PALLD: variants seen among roughly 807,000 people sequenced by gnomAD.
PALLD encodes palladin, cytoskeletal associated protein.
Under a neutral mutation model 123.5 loss-of-function variants are expected in PALLD, and 61 were observed. The ratio of observed to expected loss-of-function variants is 0.49; its 90% CI spans 0.40 to 0.61. PALLD has a LOEUF of 0.61. Ranked by LOEUF, PALLD falls within the 20% of genes least tolerant of loss-of-function variation. PALLD has a pLI of 0.00. For missense variants in PALLD, 1,273 were observed against 1,377.0 expected (o/e 0.92, Z 1.20); for synonymous variants, 465 against 496.4 (o/e 0.94, Z 0.84).
At chr4:168,903,512 A>G (rs1408216198) in intron 14 of PALLD, among the ~76,000 whole-genome samples, 1 of 152,222 alleles carries the variant, frequency 6.6e-6, no homozygotes, top group African/African-American at 2.4e-5. Context: ...TAAATAATAT[A>G]TGAATGTAAG....
At chr4:168,723,017 T>TA (rs1786174951) in intron 10 of PALLD, among the ~76,000 whole-genome samples, 1 of 152,126 alleles carries the variant, frequency 6.6e-6, no homozygotes, top group Non-Finnish European at 1.5e-5. Context: ...TCTGAAAGTT[T>TA]AAAAAACTTA....
chr4:168,800,183 T>C (rs1049041424), intron 10 of PALLD, among the ~76,000 whole-genome samples: 1 of 152,210 alleles, frequency 6.6e-6, no homozygotes, highest in African/African-American at 2.4e-5. Flanking sequence ...TTCTTCCTTG[T>C]GCTATATACA....
At position 168,661,511 on chromosome 4, in the gene PALLD, C is replaced by T. The variant is rs370810887; in HGVS notation, c.909-6679C>T. Reference sequence around the variant, plus strand: ...CAATTAGTACAAGGTAATTTTCATACGCTGTTTATGGTCTTGAAATCTGAC... The same window carrying T: ...CAATTAGTACAAGGTAATTTTCATATGCTGTTTATGGTCTTGAAATCTGAC... On this transcript the variant is annotated intron_variant, in intron 2 of 21. Transcript: ENST00000505667. Among the ~76,000 whole-genome samples the T allele has an allele frequency of 5.9e-5, 9 of 152,328 alleles. No individual in the cohort carries two copies. The South Asian group carries it at 1.0e-3, about 18-fold the overall frequency.
chr4:168,904,712 T>C (rs1451723354), intron 15 of PALLD, among the ~76,000 whole-genome samples: 1 of 152,210 alleles, frequency 6.6e-6, no homozygotes, highest in Non-Finnish European at 1.5e-5. Flanking sequence ...AGCAGTTTTC[T>C]CTAGAAGTCA....
intron 1 of PALLD, among the ~76,000 whole-genome samples, chr4:168,503,646 C>CAAAAAAAAAAAA (rs35693126): frequency 9.0e-6 from 1 of 111,716 alleles, no homozygotes; most frequent in Admixed American, 9.3e-5. Context: ...GACTCCATCT[C>CAAAAAAAAAAAA]AAAAAAAAAA....
At chr4:168,880,517 G>A (rs947618406) in intron 10 of PALLD, among the ~76,000 whole-genome samples, 2 of 152,160 alleles carry the variant, frequency 1.3e-5, no homozygotes, top group Non-Finnish European at 2.9e-5. Flanking sequence ...CATTATTTTG[G>A]TTTGATAAAT....
chr4:168,589,864 C>A (rs1490450030), intron 2 of PALLD, among the ~76,000 whole-genome samples: 1 of 152,236 alleles, frequency 6.6e-6, no homozygotes, highest in Non-Finnish European at 1.5e-5. Context: ...CTCTCTGCTC[C>A]TGTTCTGTAT....
intron 2 of PALLD, among the ~76,000 whole-genome samples, chr4:168,574,885 T>C (rs1769386467): frequency 6.6e-6 from 1 of 152,154 alleles, no homozygotes; most frequent in South Asian, 2.1e-4. Flanking sequence ...AAGAGATTCC[T>C]GAGGCTTAGA....
At chr4:168,896,051 A>G (rs1264394737) in intron 12 of PALLD, among the ~76,000 whole-genome samples, 2 of 152,168 alleles carry the variant, frequency 1.3e-5, no homozygotes, top group African/African-American at 4.8e-5. Flanking sequence ...CTCTACTGAA[A>G]ATACAAAAAT....
chr4:168,560,975 G>C (rs1052457111), intron 2 of PALLD, among the ~76,000 whole-genome samples: 8 of 152,246 alleles, frequency 5.3e-5, no homozygotes, highest in African/African-American at 1.9e-4. Context: ...TGCAATAATA[G>C]AGGAAGCACT....
chr4:168,783,064 G>C (rs879855012), intron 10 of PALLD, among the ~76,000 whole-genome samples: 1 of 150,732 alleles, frequency 6.6e-6, no homozygotes, highest in Non-Finnish European at 1.5e-5. Context: ...GTGTGTGTGT[G>C]TGTGTGTGTG....
chr4:168,500,416 T>C (rs761862174), intron 1 of PALLD, among the ~76,000 whole-genome samples: 10 of 152,266 alleles, frequency 6.6e-5, no homozygotes, highest in African/African-American at 1.9e-4. Flanking sequence ...CAAGCTGGAA[T>C]GCAGTGACCT....
chr4:168,853,298 TAGA>T (rs2150988846), intron 10 of PALLD, among the ~76,000 whole-genome samples: 1 of 152,314 alleles, frequency 6.6e-6, no homozygotes, highest in South Asian at 2.1e-4. Flanking sequence ...ATGGTCCTTC[TAGA>T]AGAAGTCCAC....
At chr4:168,682,880 A>G in intron 4 of PALLD, 118 bp from the exon 5 acceptor site, 3 of 667,236 alleles carry the variant, frequency 4.5e-6, no homozygotes, top group Admixed American at 5.0e-5. Flanking sequence ...TGCGTATACA[A>G]AAAGAAACCC....
chr4:168,839,343 G>T (rs1277696243), intron 10 of PALLD, among the ~76,000 whole-genome samples: 1 of 152,162 alleles, frequency 6.6e-6, no homozygotes, highest in Non-Finnish European at 1.5e-5. Flanking sequence ...CCTGTTGGGG[G>T]CAGTGAAGAA....
chr4:168,905,274 C>G (rs1223019349), intron 15 of PALLD, among the ~76,000 whole-genome samples: 1 of 149,572 alleles, frequency 6.7e-6, no homozygotes, highest in Non-Finnish European at 1.5e-5. Context: ...CCTCAGCCTC[C>G]CTAGTAGCTG....
chr4:168,804,238 A>T (rs771535192), intron 10 of PALLD, among the ~76,000 whole-genome samples: 1 of 152,196 alleles, frequency 6.6e-6, no homozygotes, highest in African/African-American at 2.4e-5. Flanking sequence ...TGCAACTAAC[A>T]TGCAGCACTT....
At chr4:168,706,789 C>T (rs916794362) in intron 8 of PALLD, among the ~76,000 whole-genome samples, 1 of 152,088 alleles carries the variant, frequency 6.6e-6, no homozygotes, top group Non-Finnish European at 1.5e-5. Flanking sequence ...AATAACACGA[C>T]ATCAAAAACT....
chr4:168,503,935 G>A (rs78645402), intron 1 of PALLD, among the ~76,000 whole-genome samples: 4 of 152,114 alleles, frequency 2.6e-5, no homozygotes, highest in African/African-American at 9.7e-5. Context: ...AAAGAGTGAC[G>A]TGACACAATT....
Sources: allele counts gnomAD v4.1 joint callset (sites outside exome capture counted in the v4.1 genomes callset), GRCh38; gene constraint gnomAD v4.1.1; transcripts MANE v1.5; gene names NCBI Gene and HGNC (gene_info 2026-07-23, HGNC 2026-07-21).